GABRA5: variants seen among roughly 807,000 people sequenced by gnomAD.
The protein encoded by GABRA5 is gamma-aminobutyric acid receptor subunit alpha-5.
In GABRA5, 18 loss-of-function variants were observed where a neutral mutation model predicts 47.3. That is an observed-to-expected ratio of 0.38 (90% confidence interval 0.26 to 0.56). GABRA5 has a LOEUF of 0.56. GABRA5 is among the 20% of genes least tolerant of loss of function. The pLI is 0.71. For synonymous variants in GABRA5, 237 were observed against 229.3 expected, an observed-to-expected ratio of 1.03 and a Z score of -0.30; for missense variants, 365 against 599.3, an observed-to-expected ratio of 0.61 and a Z score of 4.08.
At chr15:26,915,334 T>C in intron 7 of GABRA5, among the ~76,000 whole-genome samples, 1 of 152,232 alleles carries the variant, frequency 6.6e-6, no homozygotes, top group East Asian at 1.9e-4. Flanking sequence ...GCCTCATCTG[T>C]CATGTTCATA....
rs2140596263 is a variant in GABRA5, at chr15:26,943,231, G to A, written c.894G>A (p.Leu298=). The part of the protein sequence containing the change: ...ARTVFGVTTV[L]TMTTLSISAR... ...CCCCCGCAGGGGTCACCACGGTGCT[G>A]ACCATGACGACCCTCAGCATCAGCG... Residue 298 remains leucine (L), a synonymous_variant, in exon 10 of 11, where the codon CTG becomes CTA. Coordinates refer to ENST00000335625, the MANE Select transcript of GABRA5 (RefSeq NM_000810.4). 6.4e-7 allele frequency: 1 copy of A among 1,555,586 alleles called. No homozygotes were observed. The highest frequency in any genetic ancestry group is 1.7e-4 in the Middle Eastern group (1 of 5,962).
chr15:26,879,574 A>G (rs934171950), intron 3 of GABRA5, among the ~76,000 whole-genome samples: 1 of 152,248 alleles, frequency 6.6e-6, no homozygotes, highest in Non-Finnish European at 1.5e-5. Flanking sequence ...TTAGATCAAA[A>G]GAGCATTATT....
At chr15:26,899,999 G>A (rs1192644994) in intron 6 of GABRA5, among the ~76,000 whole-genome samples, 1 of 151,768 alleles carries the variant, frequency 6.6e-6, no homozygotes, top group Non-Finnish European at 1.5e-5. Context: ...TTTAATTGAT[G>A]TTTTTTAGCG....
chr15:26,870,651 G>T (rs1892445521), intron 3 of GABRA5, among the ~76,000 whole-genome samples: 1 of 151,568 alleles, frequency 6.6e-6, no homozygotes. Flanking sequence ...CATGCCTTCA[G>T]ATTTTTTTTT....
chr15:26,920,204 G>GTTC (rs938803928), intron 7 of GABRA5, among the ~76,000 whole-genome samples: 3 of 151,774 alleles, frequency 2.0e-5, no homozygotes, highest in African/African-American at 7.3e-5. Flanking sequence ...TGTTGTTGTT[G>GTTC]TTCTTTCTCT....
chr15:26,869,923 C>T (rs1892422503), intron 3 of GABRA5, among the ~76,000 whole-genome samples: 1 of 152,236 alleles, frequency 6.6e-6, no homozygotes, highest in Non-Finnish European at 1.5e-5. Context: ...ACCCCTCTTT[C>T]ATTTTAGCCT....
At chr15:26,909,284 C>T (rs1419978718) in intron 6 of GABRA5, among the ~76,000 whole-genome samples, 2 of 152,264 alleles carry the variant, frequency 1.3e-5, no homozygotes, top group South Asian at 2.1e-4. Context: ...TACGTGGCCT[C>T]GTGATGACAT....
chr15:26,922,726 C>G (rs12899754), intron 7 of GABRA5, among the ~76,000 whole-genome samples: 58,095 of 151,918 alleles, frequency 0.38, 11,718 homozygotes, highest in Middle Eastern at 0.57. Flanking sequence ...TGCTGTATAG[C>G]TTTTTCAGTG....
chr15:26,938,761 C>T (rs751195939), intron 8 of GABRA5, among the ~76,000 whole-genome samples: 2 of 152,240 alleles, frequency 1.3e-5, no homozygotes, highest in African/African-American at 2.4e-5. Context: ...CCAGGCACTG[C>T]TGAGATTGTT....
At chr15:26,873,341 G>A (rs1039027035) in intron 3 of GABRA5, among the ~76,000 whole-genome samples, 2 of 152,154 alleles carry the variant, frequency 1.3e-5, no homozygotes, top group Non-Finnish European at 2.9e-5. Context: ...ATAAGGTAAA[G>A]GCTGAGTCCA....
intron 3 of GABRA5, among the ~76,000 whole-genome samples, chr15:26,880,222 G>A (rs551590902): frequency 1.8e-4 from 27 of 152,124 alleles, no homozygotes; most frequent in Non-Finnish European, 2.8e-4. Context: ...AGGGCTTATT[G>A]TGTGACGCTG....
At chr15:26,910,068 A>ATG (rs1555391609) in intron 6 of GABRA5, among the ~76,000 whole-genome samples, 5 of 128,574 alleles carry the variant, frequency 3.9e-5, no homozygotes, top group Admixed American at 7.6e-5. Context: ...AATGAAATAA[A>ATG]TGTTTTTTTT....
rs143777274 is a variant in GABRA5, at chr15:26,899,390, G to A, written c.498-15413G>A. The stretch of plus-strand genomic sequence containing the variant: ...TCTATCCTGGGCATGCTCCCTGTGC[G>A]CTTGAGAAGAATGTGTATTCTGCTT... On this transcript the variant is annotated intron_variant, in intron 6 of 10. Transcript: ENST00000335625. Among the ~76,000 whole-genome samples, 557 of 152,222 alleles carry A rather than the reference G, an allele frequency of 3.7e-3. 4 individuals are homozygous for A. The highest frequency in any genetic ancestry group is 0.013 in the African/African-American group (521 of 41,538).
intron 6 of GABRA5, among the ~76,000 whole-genome samples, chr15:26,911,379 A>G (rs940815907): frequency 2.1e-5 from 3 of 143,916 alleles, no homozygotes; most frequent in African/African-American, 7.6e-5. Context: ...ATGCACACAC[A>G]CACACACACA....
intron 6 of GABRA5, among the ~76,000 whole-genome samples, chr15:26,888,450 G>A (rs72712072): frequency 0.079 from 12,053 of 152,238 alleles, 747 homozygotes; most frequent in African/African-American, 0.17. Flanking sequence ...TCCCTGCCAC[G>A]CCTTCCTTTG....
intron 7 of GABRA5, among the ~76,000 whole-genome samples, chr15:26,926,675 G>T (rs376787402): frequency 2.7e-5 from 4 of 147,102 alleles, no homozygotes; most frequent in African/African-American, 1.0e-4. Flanking sequence ...AGGAAGTGGA[G>T]TTGTACAACT....
At chr15:26,935,495 C>T (rs1009927016) in intron 7 of GABRA5, among the ~76,000 whole-genome samples, 7 of 152,236 alleles carry the variant, frequency 4.6e-5, no homozygotes, top group Admixed American at 1.3e-4. Context: ...GCCTCGGCCC[C>T]AGCCGGCCTC....
In GABRA5 at chr15:26,893,411, GTGT is replaced by G. The variant is rs879822216; in HGVS notation, c.497+9858_497+9860del. ...GGAGTATGTGTATGGTGTGTTGTGT[GTGT>G]TGTGTGTGTATGGTGTGTGGCGTGT... On this transcript the variant is annotated intron_variant, in intron 6 of 10. Coordinates refer to ENST00000335625, the MANE Select transcript of GABRA5 (RefSeq NM_000810.4). Among the ~76,000 whole-genome samples the G allele has an allele frequency of 4.0e-3, 277 of 69,390 alleles. 5 individuals carry two copies. Among genetic ancestry groups the G allele is most frequent in the East Asian group, 7.8e-3 (14 of 1,786 alleles). The allele number at this position is 69,390 out of a possible 152,430, so 45.5% of individuals were successfully genotyped here.
rs576544691 is a variant in GABRA5 at position 26,869,857 on chromosome 15, AG to A, written c.86+525del. 5.8e-4 allele frequency among the ~76,000 whole-genome samples: 88 copies of A among 152,378 alleles called. No individual in the cohort carries two copies. The East Asian group carries it at 7.9e-3, about 14-fold the overall frequency. On this transcript the variant is annotated intron_variant, in intron 3 of 10. Coordinates refer to ENST00000335625, the MANE Select transcript of GABRA5 (RefSeq NM_000810.4). Reference sequence around the variant, plus strand: ...TGCAGGTGCAGACACCATAAACCACAGGTGCCTGAAGATCTGAAAGACACCC... The same window carrying A: ...TGCAGGTGCAGACACCATAAACCACAGTGCCTGAAGATCTGAAAGACACCC...
Sources: gnomAD v4.1 joint callset for allele counts (sites outside exome capture counted in the v4.1 genomes callset) on GRCh38, gnomAD v4.1.1 for gene constraint, MANE v1.5 for transcripts, NCBI Gene and HGNC (gene_info 2026-07-23, HGNC 2026-07-21) for gene names.